MECOM: variants seen among roughly 807,000 people sequenced by gnomAD.
MECOM encodes histone-lysine N-methyltransferase MECOM.
Under a neutral mutation model 116.3 loss-of-function variants are expected in MECOM, and 13 were observed. The observed-to-expected ratio is 0.11, with a 90% CI of 0.07 to 0.18. The LOEUF is 0.18. MECOM is among the 10% of genes least tolerant of loss of function. The pLI, the probability that MECOM is intolerant of heterozygous loss-of-function variation, is 1.00. For missense variants in MECOM, 1,299 were observed against 1,509.0 expected, an observed-to-expected ratio of 0.86 and a Z score of 2.31; for synonymous variants, 528 against 535.2, an observed-to-expected ratio of 0.99 and a Z score of 0.19.
At chr3:169,452,306 T>G (rs1057267971) in intron 1 of MECOM, among the ~76,000 whole-genome samples, 1 of 151,202 alleles carries the variant, frequency 6.6e-6, no homozygotes, top group Non-Finnish European at 1.5e-5. Context: ...CAAAAATGAT[T>G]GTTAAAAATT....
chr3:169,231,896 G>A (rs1312097367), intron 2 of MECOM, among the ~76,000 whole-genome samples: 1 of 152,086 alleles, frequency 6.6e-6, no homozygotes, highest in African/African-American at 2.4e-5. Flanking sequence ...AGTTAAGACA[G>A]TGTCCCAAAG....
chr3:169,166,612 A>G (rs1384563569), intron 2 of MECOM, among the ~76,000 whole-genome samples: 1 of 152,046 alleles, frequency 6.6e-6, no homozygotes, highest in African/African-American at 2.4e-5. Context: ...AAAAACAGAG[A>G]CAGAATATTG....
chr3:169,086,830 A>G (rs1717911398), intron 16 of MECOM, among the ~76,000 whole-genome samples: 1 of 152,210 alleles, frequency 6.6e-6, no homozygotes, highest in South Asian at 2.1e-4. Flanking sequence ...GAATAAATAT[A>G]TGAATGCTTT....
At chr3:169,250,466 T>C (rs1270821551) in intron 2 of MECOM, among the ~76,000 whole-genome samples, 1 of 152,154 alleles carries the variant, frequency 6.6e-6, no homozygotes, top group East Asian at 1.9e-4. Context: ...AAGGCATATG[T>C]TTGACCAACC....
At chr3:169,436,641 A>G (rs1432560210) in intron 1 of MECOM, among the ~76,000 whole-genome samples, 1 of 152,178 alleles carries the variant, frequency 6.6e-6, no homozygotes, top group Non-Finnish European at 1.5e-5. Context: ...TGACATTGAT[A>G]CTATGTTGCC....
chr3:169,563,647 T>C (rs1305284700), intron 1 of MECOM, among the ~76,000 whole-genome samples: 1 of 152,174 alleles, frequency 6.6e-6, no homozygotes, highest in Admixed American at 6.5e-5. Flanking sequence ...CAAGTCATGC[T>C]TCATTCGAGG....
chr3:169,158,910 T>C (rs2149343365), intron 2 of MECOM, among the ~76,000 whole-genome samples: 1 of 152,284 alleles, frequency 6.6e-6, no homozygotes, highest in South Asian at 2.1e-4. Context: ...GTGGTCCAGG[T>C]GATAACCGAG....
intron 2 of MECOM, among the ~76,000 whole-genome samples, chr3:169,275,396 G>A (rs900604876): frequency 6.6e-6 from 1 of 152,088 alleles, no homozygotes; most frequent in Non-Finnish European, 1.5e-5. Flanking sequence ...AATTTATTTA[G>A]GATTGAAATG....
intron 2 of MECOM, among the ~76,000 whole-genome samples, chr3:169,263,125 ATATGT>A (rs1757799232): frequency 5.1e-5 from 1 of 19,544 alleles, no homozygotes; most frequent in African/African-American, 2.6e-4. Flanking sequence ...ATATATATAT[ATATGT>A]TTTTTTTTTT....
chr3:169,614,006 A>T (rs2109839137), intron 1 of MECOM, among the ~76,000 whole-genome samples: 1 of 152,248 alleles, frequency 6.6e-6, no homozygotes, highest in African/African-American at 2.4e-5. Context: ...TCATTAATAA[A>T]AACTGATGAG....
chr3:169,179,750 C>T (rs1745696828), intron 2 of MECOM, among the ~76,000 whole-genome samples: 3 of 152,306 alleles, frequency 2.0e-5, no homozygotes, highest in South Asian at 4.1e-4. Context: ...GAATACCTTG[C>T]TTCTTTTTTC....
intron 1 of MECOM, among the ~76,000 whole-genome samples, chr3:169,642,495 G>T (rs926749551): frequency 1.3e-5 from 2 of 150,916 alleles, no homozygotes; most frequent in Non-Finnish European, 1.5e-5. Context: ...CCACTGTAGG[G>T]TAGGTTCTTA....
chr3:169,564,492 G>T (rs1762995665), intron 1 of MECOM, among the ~76,000 whole-genome samples: 1 of 152,164 alleles, frequency 6.6e-6, no homozygotes, highest in Admixed American at 6.5e-5. Context: ...ATAAGCTATA[G>T]ATGTGATAAA....
chr3:169,139,476 TCTAA>T (rs1358412761), intron 3 of MECOM, among the ~76,000 whole-genome samples: 4 of 152,100 alleles, frequency 2.6e-5, no homozygotes, highest in South Asian at 4.1e-4. Flanking sequence ...CCCAGATCAT[TCTAA>T]CTATCAGTGG....
chr3:169,502,138 T>C lies in MECOM; in HGVS notation c.38-120614A>G, dbSNP rs574205957. Among the ~76,000 whole-genome samples, 209 of 152,242 alleles carry C rather than the reference T, an allele frequency of 1.4e-3. 3 individuals are homozygous for C. The highest frequency in any genetic ancestry group is 4.8e-3 in the African/African-American group (201 of 41,568). ...ACTTCCTTTTCCTACAGTGCTCTGATTTCCTTTTGAATATTCACCTGTTAC... is the reference window on the plus strand; with the variant it reads ...ACTTCCTTTTCCTACAGTGCTCTGACTTCCTTTTGAATATTCACCTGTTAC... On this transcript the variant is annotated intron_variant, in intron 1 of 16. Transcript: ENST00000651503.
intron 2 of MECOM, among the ~76,000 whole-genome samples, chr3:169,277,563 C>T (rs2149671695): frequency 6.6e-6 from 1 of 152,260 alleles, no homozygotes; most frequent in South Asian, 2.1e-4. Flanking sequence ...GAGCCAGTCC[C>T]CTAACCTCCC....
At chr3:169,291,581 A>T (rs1485165886) in intron 2 of MECOM, among the ~76,000 whole-genome samples, 1 of 152,180 alleles carries the variant, frequency 6.6e-6, no homozygotes, top group Non-Finnish European at 1.5e-5. Context: ...AACTAGGAAA[A>T]TCTGTTCCCT....
chr3:169,421,826 G>GC (rs1739806303), intron 1 of MECOM, among the ~76,000 whole-genome samples: 1 of 152,072 alleles, frequency 6.6e-6, no homozygotes, highest in African/African-American at 2.4e-5. Flanking sequence ...GGTAAGAGGT[G>GC]AGAGCCTGAA....
At chr3:169,458,016 C>A (rs975412009) in intron 1 of MECOM, among the ~76,000 whole-genome samples, 2 of 152,134 alleles carry the variant, frequency 1.3e-5, no homozygotes. Flanking sequence ...GGACTTAAAG[C>A]AAATGATTTA....
Sources: allele counts gnomAD v4.1 joint callset (sites outside exome capture counted in the v4.1 genomes callset), GRCh38; gene constraint gnomAD v4.1.1; transcripts MANE v1.5; gene names NCBI Gene and HGNC (gene_info 2026-07-23, HGNC 2026-07-21).